Variants in KCNB2 observed in about 807,000 individuals in gnomAD.
KCNB2 encodes the protein potassium voltage-gated channel subfamily B member 2.
In KCNB2, 15 loss-of-function variants were observed where a neutral mutation model predicts 61.5. That is an observed-to-expected ratio of 0.24 (90% confidence interval 0.16 to 0.38). The LOEUF is 0.38. Ranked by LOEUF, KCNB2 falls within the 10% of genes least tolerant of loss-of-function variation. The probability of loss-of-function intolerance (pLI) is 1.00; values close to 1 mark genes in which losing one functional copy is unlikely to be tolerated. For missense variants in KCNB2, 828 were observed against 1,125.2 expected (o/e 0.74, Z 3.78); for synonymous variants, 457 against 446.0 (o/e 1.02, Z -0.31).
Position 72,735,413 on chromosome 8 carries a change from G to A in KCNB2, c.579+167100G>A, listed in dbSNP as rs183473042. On this transcript the variant is annotated intron_variant, in intron 2 of 2. Coordinates refer to ENST00000523207, the MANE Select transcript of KCNB2 (RefSeq NM_004770.3). ...AATGGCAATAATTTCCTATTTCCCC[G>A]CAAGAAATCTGTACATCACCCTTGA... Among the ~76,000 whole-genome samples, 167 of 152,166 alleles carry A rather than the reference G, an allele frequency of 1.1e-3. 1 individual carries two copies. The highest frequency in any genetic ancestry group is 3.4e-3 in the African/African-American group (140 of 41,514).
chr8:72,690,501 C>T (rs116327647), intron 2 of KCNB2, among the ~76,000 whole-genome samples: 2,116 of 152,284 alleles, frequency 0.014, 44 homozygotes, highest in African/African-American at 0.049. Flanking sequence ...TAGTCCAATA[C>T]ACATGCGTGC....
At chr8:72,766,023 G>T (rs926865230) in intron 2 of KCNB2, among the ~76,000 whole-genome samples, 2 of 152,122 alleles carry the variant, frequency 1.3e-5, no homozygotes, top group Non-Finnish European at 2.9e-5. Flanking sequence ...GAATGGCATA[G>T]GGCCAAATAC....
Position 72,873,069 on chromosome 8 carries a change from G to A in KCNB2, c.580-62866G>A, listed in dbSNP as rs577333006. On this transcript the variant is annotated intron_variant, in intron 2 of 2. Coordinates refer to ENST00000523207, the MANE Select transcript of KCNB2 (RefSeq NM_004770.3). ...TGCAGCAGCACCCATGCTTAGCACA[G>A]TACAAAGTCAGGTTCTTCTCCCAGA... Among the ~76,000 whole-genome samples the A allele has an allele frequency of 9.8e-5, 15 of 152,304 alleles. No individual in the cohort carries two copies. The East Asian group carries it at 2.7e-3, about 27-fold the overall frequency.
At chr8:72,817,344 A>C (rs1365129293) in intron 2 of KCNB2, among the ~76,000 whole-genome samples, 1 of 152,160 alleles carries the variant, frequency 6.6e-6, no homozygotes, top group Non-Finnish European at 1.5e-5. Flanking sequence ...CCCCTGTAGG[A>C]CTGAAGAATA....
At chr8:72,556,942 C>T (rs1419252715) in intron 1 of KCNB2, among the ~76,000 whole-genome samples, 5 of 152,078 alleles carry the variant, frequency 3.3e-5, no homozygotes, top group African/African-American at 9.7e-5. Context: ...GATTTAGTGT[C>T]TGGTGAGGGC....
At chr8:72,913,654 G>A (rs1806339930) in intron 2 of KCNB2, among the ~76,000 whole-genome samples, 1 of 152,152 alleles carries the variant, frequency 6.6e-6, no homozygotes, top group Non-Finnish European at 1.5e-5. Flanking sequence ...CAACTCAGAA[G>A]CCAGGAGCCA....
At chr8:72,643,329 G>A (rs1490756475) in intron 2 of KCNB2, among the ~76,000 whole-genome samples, 1 of 152,130 alleles carries the variant, frequency 6.6e-6, no homozygotes, top group African/African-American at 2.4e-5. Context: ...AGAACTCCCT[G>A]GTAAGTAATT....
chr8:72,663,965 T>G (rs571666408), intron 2 of KCNB2, among the ~76,000 whole-genome samples: 1 of 152,350 alleles, frequency 6.6e-6, no homozygotes, highest in East Asian at 1.9e-4. Flanking sequence ...CTCCTCCTTC[T>G]TGCTTCAAAG....
intron 2 of KCNB2, among the ~76,000 whole-genome samples, chr8:72,682,249 G>A (rs767139068): frequency 2.6e-5 from 4 of 152,222 alleles, no homozygotes; most frequent in East Asian, 1.9e-4. Flanking sequence ...CCTAACATAC[G>A]TAGCATAGTC....
chr8:72,677,106 G>GGC (rs1027511454), intron 2 of KCNB2, among the ~76,000 whole-genome samples: 18 of 70,222 alleles, frequency 2.6e-4, no homozygotes, highest in African/African-American at 1.6e-3. Flanking sequence ...TTTGGACACA[G>GGC]ACGTACACAT....
Position 72,937,485 on chromosome 8 carries a change from A to G in KCNB2, c.2130A>G (p.Leu710=), listed in dbSNP as rs1457107515. Residue 710 remains leucine, a synonymous_variant, in exon 3 of 3, where the codon CTA becomes CTG. Transcript: ENST00000523207. Reference sequence around the variant, plus strand: ...GCTCTCTAAAAGGCAGCAACCCACTAAAGTCCAGATCCCTCAAAGTGAACT... The same window carrying G: ...GCTCTCTAAAAGGCAGCAACCCACTGAAGTCCAGATCCCTCAAAGTGAACT... ...PKSSLKGSNP[L]KSRSLKVNFK... 1.2e-6 allele frequency: 2 copies of G among 1,613,898 alleles called. No individual in the cohort carries two copies. The highest frequency in any genetic ancestry group is 1.1e-5 in the South Asian group (1 of 91,038).
intron 2 of KCNB2, among the ~76,000 whole-genome samples, chr8:72,836,787 TG>T (rs1809790220): frequency 6.6e-6 from 1 of 152,134 alleles, no homozygotes; most frequent in Non-Finnish European, 1.5e-5. Flanking sequence ...GGCACATACC[TG>T]TAGTCCCAGC....
chr8:72,859,909 G>A lies in KCNB2; in HGVS notation c.580-76026G>A, dbSNP rs928414228. On this transcript the variant is annotated intron_variant, in intron 2 of 2. Coordinates refer to ENST00000523207, the MANE Select transcript of KCNB2 (RefSeq NM_004770.3). ...TAATTTTGTATTTTTAGTAGAGTCAGGGTTTCTCCATGTTCGTCAGCCTGG... is the reference window on the plus strand; with the variant it reads ...TAATTTTGTATTTTTAGTAGAGTCAAGGTTTCTCCATGTTCGTCAGCCTGG... Among the ~76,000 whole-genome samples, 24 of 146,774 alleles carry A rather than the reference G, an allele frequency of 1.6e-4. No homozygotes were observed. In the Admixed American group the frequency reaches 1.7e-3, roughly 10 times the overall value.
chr8:72,921,971 C>T (rs919446569), intron 2 of KCNB2, among the ~76,000 whole-genome samples: 6 of 152,278 alleles, frequency 3.9e-5, no homozygotes, highest in Non-Finnish European at 8.8e-5. Context: ...AAAGTCTGGA[C>T]CTTCTCACTG....
At chr8:72,849,522 A>C (rs796676064) in intron 2 of KCNB2, among the ~76,000 whole-genome samples, 1 of 152,330 alleles carries the variant, frequency 6.6e-6, no homozygotes, top group South Asian at 2.1e-4. Flanking sequence ...CACATATTGT[A>C]TGAATATAAA....
chr8:72,725,543 G>GTATATATATA (rs1807623490), intron 2 of KCNB2, among the ~76,000 whole-genome samples: 4 of 85,078 alleles, frequency 4.7e-5, no homozygotes, highest in African/African-American at 1.2e-4. Flanking sequence ...ATATATATGT[G>GTATATATATA]TGTATATATA....
At chr8:72,659,716 G>A (rs1191067100) in intron 2 of KCNB2, among the ~76,000 whole-genome samples, 2 of 152,178 alleles carry the variant, frequency 1.3e-5, no homozygotes, top group African/African-American at 2.4e-5. Context: ...TCAGTCAGTA[G>A]CCATCAACAA....
intron 2 of KCNB2, among the ~76,000 whole-genome samples, chr8:72,715,291 C>T (rs61605113): frequency 0.025 from 3,850 of 152,246 alleles, 67 homozygotes; most frequent in South Asian, 0.075. Flanking sequence ...GAATTGAACT[C>T]GGCTCTGCAC....
intron 2 of KCNB2, among the ~76,000 whole-genome samples, chr8:72,761,285 G>A (rs752099940): frequency 2.0e-5 from 3 of 152,060 alleles, no homozygotes; most frequent in Non-Finnish European, 4.4e-5. Context: ...CTCTGCAGCA[G>A]GCGTCTGTCA....
Sources: gnomAD v4.1 joint callset for allele counts (sites outside exome capture counted in the v4.1 genomes callset) on GRCh38, gnomAD v4.1.1 for gene constraint, MANE v1.5 for transcripts, NCBI Gene and HGNC (gene_info 2026-07-23, HGNC 2026-07-21) for gene names.